The following ABTB2 variants were observed in gnomAD, a reference collection of about 807,000 sequenced individuals.
ABTB2 encodes the protein ankyrin repeat and BTB domain containing 2, also known as ankyrin repeat and BTB/POZ domain-containing protein 2.
Under a neutral mutation model 104.1 loss-of-function variants are expected in ABTB2, and 56 were observed. The ratio of observed to expected loss-of-function variants is 0.54; its 90% CI spans 0.43 to 0.67. The LOEUF (loss-of-function observed/expected upper bound fraction) is 0.67, where lower values mean the gene tolerates loss of function less well. Among genes scored for constraint, ABTB2 ranks in the 30% least tolerant of loss-of-function variants. The pLI is 0.00. For missense variants in ABTB2, 1,279 were observed against 1,407.7 expected (o/e 0.91, Z 1.46); for synonymous variants, 606 against 608.2 (o/e 1.00, Z 0.05).
chr11:34,282,373 A>G (rs906770212), intron 1 of ABTB2, among the ~76,000 whole-genome samples: 1 of 152,198 alleles, frequency 6.6e-6, no homozygotes, highest in Non-Finnish European at 1.5e-5. Context: ...ATTTGGAAAG[A>G]TATTTATAAT....
intron 1 of ABTB2, among the ~76,000 whole-genome samples, chr11:34,210,471 A>G (rs1388745450): frequency 1.3e-5 from 2 of 152,224 alleles, no homozygotes; most frequent in African/African-American, 4.8e-5. Context: ...AATGTAAAAA[A>G]GATGTCCTTT....
At chr11:34,287,832 TATAG>T (rs1205533953) in intron 1 of ABTB2, among the ~76,000 whole-genome samples, 1 of 152,152 alleles carries the variant, frequency 6.6e-6, no homozygotes, top group African/African-American at 2.4e-5. Flanking sequence ...TTTTCTTTTT[TATAG>T]AACATCTCAC....
chr11:34,304,219 C>G (rs146081274), intron 1 of ABTB2, among the ~76,000 whole-genome samples: 79 of 152,274 alleles, frequency 5.2e-4, no homozygotes, highest in African/African-American at 1.9e-3. Context: ...TTTCAGGCAT[C>G]CATCAGAGGT....
At chr11:34,344,697 C>T (rs542775294) in intron 1 of ABTB2, among the ~76,000 whole-genome samples, 73 of 152,278 alleles carry the variant, frequency 4.8e-4, no homozygotes, top group African/African-American at 1.7e-3. Context: ...GGGGTTTCAC[C>T]GTGTTGCCCG....
At chr11:34,183,045 A>G (rs185041904) in intron 3 of ABTB2, among the ~76,000 whole-genome samples, 1 of 152,228 alleles carries the variant, frequency 6.6e-6, no homozygotes, top group East Asian at 1.9e-4. Flanking sequence ...CAACTCCTCC[A>G]TCTTAGGGAT....
rs1479062724 is a variant in ABTB2 at position 34,250,872 on chromosome 11, G to A, written c.884-46182C>T. Among the ~76,000 whole-genome samples, 5 of 152,332 alleles carry A rather than the reference G, an allele frequency of 3.3e-5. No individual in the cohort carries two copies. The East Asian group carries it at 9.6e-4, about 29-fold the overall frequency. ...AATCCTCAGAATAACTAGGGGGGTA[G>A]AAACCATCATTGCCATTTTACATAT... On this transcript the variant is annotated intron_variant, in intron 1 of 16. Transcript: ENST00000435224.
chr11:34,212,350 C>T (rs919328729), intron 1 of ABTB2, among the ~76,000 whole-genome samples: 1 of 152,178 alleles, frequency 6.6e-6, no homozygotes, highest in Non-Finnish European at 1.5e-5. Flanking sequence ...AGCCACTGCA[C>T]CTGGCCAGAG....
At chr11:34,300,834 T>C (rs1198887666) in intron 1 of ABTB2, among the ~76,000 whole-genome samples, 1 of 152,190 alleles carries the variant, frequency 6.6e-6, no homozygotes, top group African/African-American at 2.4e-5. Flanking sequence ...TTTCCTTCCT[T>C]TGCTCTGCAT....
In ABTB2 at chr11:34,154,440, C is replaced by T. The variant is rs752158482; in HGVS notation, c.2767-62G>A. 3.5e-5 allele frequency: 44 copies of T among 1,263,246 alleles called. No individual in the cohort carries two copies. The highest frequency in any genetic ancestry group is 2.5e-4 in the Middle Eastern group (1 of 4,008). The allele number at this position is 1,263,246 out of a possible 1,614,324, so 78.3% of individuals were successfully genotyped here. A position where few individuals can be genotyped will look rare whatever the true frequency, so the allele number is the denominator to read the frequency against. On this transcript the variant is annotated intron_variant, in intron 15 of 16. Coordinates refer to ENST00000435224, the MANE Select transcript of ABTB2 (RefSeq NM_145804.3). The surrounding 1 kb of genome is among the most constrained non-coding windows in gnomAD (Gnocchi z 4.9). The stretch of plus-strand genomic sequence containing the variant: ...GCCAGACCAGTGGCCCAGACAGCAC[C>T]GAACAGAAAGCTCCCGAGTGCCGTG...
At position 34,357,356 on chromosome 11, in the gene ABTB2, G is replaced by C; in HGVS notation, c.228C>G (p.Pro76=). Residue 76 remains proline, a synonymous_variant, in exon 1 of 17, where the codon CCC becomes CCG. Transcript: ENST00000435224. ...NSWDTVNTVL[P]EDPEVADLFS... is the part of the protein sequence containing the mutation. ...AGAGGTCGGCCACTTCGGGGTCCTC[G>C]GGCAGCACCGTGTTCACCGTGTCCC... 6.5e-7 allele frequency: 1 copy of C among 1,533,326 alleles called. No homozygotes were observed. The highest frequency in any genetic ancestry group is 8.8e-7 in the Non-Finnish European group (1 of 1,135,186). 95.0% of individuals were successfully genotyped at this position (1,533,326 alleles called of 1,614,324 possible). A position where few individuals can be genotyped will look rare whatever the true frequency, so the allele number is the denominator to read the frequency against.
chr11:34,229,301 T>C (rs889743608), intron 1 of ABTB2, among the ~76,000 whole-genome samples: 3 of 151,194 alleles, frequency 2.0e-5, no homozygotes, highest in Non-Finnish European at 4.4e-5. Context: ...GCTAACACGA[T>C]GAAACCCGTC....
chr11:34,194,097 C>T (rs897269879), intron 3 of ABTB2, among the ~76,000 whole-genome samples: 1 of 152,186 alleles, frequency 6.6e-6, no homozygotes, highest in Non-Finnish European at 1.5e-5. Flanking sequence ...TCACACATAG[C>T]CCCTAATTGA....
intron 1 of ABTB2, among the ~76,000 whole-genome samples, chr11:34,238,846 C>T (rs566241871): frequency 6.6e-6 from 1 of 152,134 alleles, no homozygotes; most frequent in African/African-American, 2.4e-5. Flanking sequence ...CTTGGCCTCC[C>T]GGGTTCATGC....
At chr11:34,340,617 C>G (rs1185448296) in intron 1 of ABTB2, among the ~76,000 whole-genome samples, 1 of 152,176 alleles carries the variant, frequency 6.6e-6, no homozygotes, top group Non-Finnish European at 1.5e-5. Context: ...CCTCCCAAAG[C>G]CACCCTCAGC....
chr11:34,253,399 T>C (rs373168455), intron 1 of ABTB2, among the ~76,000 whole-genome samples: 16 of 152,214 alleles, frequency 1.1e-4, no homozygotes, highest in East Asian at 5.8e-4. Context: ...CTTTCAAGGC[T>C]GGGCACAGTG....
chr11:34,261,183 C>T (rs187637330), intron 1 of ABTB2, among the ~76,000 whole-genome samples: 3 of 152,178 alleles, frequency 2.0e-5, no homozygotes, highest in East Asian at 1.9e-4. Flanking sequence ...CTCTCAATCA[C>T]GCTCACCTAG....
intron 1 of ABTB2, among the ~76,000 whole-genome samples, chr11:34,352,051 T>G (rs1855406164): frequency 6.6e-6 from 1 of 152,186 alleles, no homozygotes; most frequent in African/African-American, 2.4e-5. Context: ...TACCCAGGTG[T>G]GGAAACTGAT....
At chr11:34,186,293 A>G (rs1426500219) in intron 3 of ABTB2, among the ~76,000 whole-genome samples, 1 of 152,238 alleles carries the variant, frequency 6.6e-6, no homozygotes. Context: ...GACAGCTGTC[A>G]GGGCGGCTGG....
chr11:34,229,612 C>T (rs1853743452), intron 1 of ABTB2, among the ~76,000 whole-genome samples: 2 of 152,058 alleles, frequency 1.3e-5, no homozygotes, highest in African/African-American at 4.8e-5. Flanking sequence ...AAAATGGAAG[C>T]ACATTGAACA....
Sources: allele counts gnomAD v4.1 joint callset (sites outside exome capture counted in the v4.1 genomes callset), GRCh38; gene constraint gnomAD v4.1.1; non-coding constraint Gnocchi (gnomAD v3.1); transcripts MANE v1.5; gene names NCBI Gene and HGNC (gene_info 2026-07-23, HGNC 2026-07-21).